The following FGF12 variants were observed in gnomAD, a reference collection of about 807,000 sequenced individuals.
FGF12 encodes the protein fibroblast growth factor 12B.
In FGF12, 14 loss-of-function variants were observed where a neutral mutation model predicts 23.6. That is an observed-to-expected ratio of 0.59 (90% CI 0.39 to 0.93). FGF12 has a LOEUF of 0.93. FGF12 is among the 40% of genes least tolerant of loss of function. FGF12 has a pLI of 0.00. For synonymous variants in FGF12, 62 were observed against 77.3 expected, an observed-to-expected ratio of 0.80 and a Z score of 1.04; for missense variants, 175 against 217.8, an observed-to-expected ratio of 0.80 and a Z score of 1.24.
intron 2 of FGF12, among the ~76,000 whole-genome samples, chr3:192,439,380 A>G (rs970505820): frequency 6.6e-6 from 1 of 152,220 alleles, no homozygotes. Flanking sequence ...TGAAAAGAAC[A>G]TCAAACTTTT....
intron 2 of FGF12, among the ~76,000 whole-genome samples, chr3:192,442,635 G>C (rs996125753): frequency 2.0e-5 from 3 of 152,094 alleles, no homozygotes; most frequent in African/African-American, 7.2e-5. Context: ...CATCACACTG[G>C]TGTATGTAAT....
At chr3:192,386,482 C>T (rs35857043) in intron 2 of FGF12, among the ~76,000 whole-genome samples, 1,931 of 152,194 alleles carry the variant, frequency 0.013, 24 homozygotes, top group Non-Finnish European at 0.02. Context: ...TAAACCTCAC[C>T]ATCCAAAACA....
intron 2 of FGF12, among the ~76,000 whole-genome samples, chr3:192,537,287 C>T (rs9839314): frequency 0.32 from 47,933 of 151,872 alleles, 7,866 homozygotes; most frequent in Middle Eastern, 0.45. Flanking sequence ...CTCTTTGATA[C>T]ACTGATTTCT....
At chr3:192,536,250 A>G (rs1725220034) in intron 2 of FGF12, among the ~76,000 whole-genome samples, 1 of 152,184 alleles carries the variant, frequency 6.6e-6, no homozygotes, top group Non-Finnish European at 1.5e-5. Flanking sequence ...GATTGTGACA[A>G]AGGCTATATG....
At chr3:192,185,118 G>C (rs1364633440) in intron 4 of FGF12, among the ~76,000 whole-genome samples, 2 of 152,096 alleles carry the variant, frequency 1.3e-5, no homozygotes, top group Non-Finnish European at 2.9e-5. Flanking sequence ...TCACAAAATT[G>C]CCTCTGATCC....
chr3:192,359,974 T>C (rs1387776085), intron 3 of FGF12, among the ~76,000 whole-genome samples: 1 of 151,850 alleles, frequency 6.6e-6, no homozygotes, highest in East Asian at 1.9e-4. Context: ...TACACATATA[T>C]GCATGTACTC....
At chr3:192,320,019 G>T (rs1165436387) in intron 4 of FGF12, among the ~76,000 whole-genome samples, 1 of 152,078 alleles carries the variant, frequency 6.6e-6, no homozygotes, top group East Asian at 1.9e-4. Flanking sequence ...AACACAGAAT[G>T]TAAATGAAAT....
chr3:192,293,960 ACT>A (rs1171800729), intron 4 of FGF12, among the ~76,000 whole-genome samples: 1 of 152,010 alleles, frequency 6.6e-6, no homozygotes, highest in Non-Finnish European at 1.5e-5. Flanking sequence ...CTTGAATTGT[ACT>A]CCCATTATTC....
At chr3:192,335,500 G>T in intron 3 of FGF12, 36 bp from the exon 4 acceptor site, 2 of 1,258,028 alleles carry the variant, frequency 1.6e-6, no homozygotes, top group Non-Finnish European at 2.3e-6. Context: ...AAGGATCAGT[G>T]ACCTTTTGAA....
At chr3:192,549,605 T>C (rs2108584367) in intron 2 of FGF12, among the ~76,000 whole-genome samples, 1 of 152,182 alleles carries the variant, frequency 6.6e-6, no homozygotes, top group East Asian at 1.9e-4. Context: ...TTATTCTGGG[T>C]ATGACTATAG....
chr3:192,370,320 A>G (rs1719172121), intron 2 of FGF12, among the ~76,000 whole-genome samples: 2 of 152,196 alleles, frequency 1.3e-5, no homozygotes, highest in South Asian at 4.1e-4. Flanking sequence ...GCCACTCTGT[A>G]AATTTTGTGT....
At chr3:192,253,667 G>A (rs533815385) in intron 4 of FGF12, among the ~76,000 whole-genome samples, 15 of 152,144 alleles carry the variant, frequency 9.9e-5, no homozygotes, top group Admixed American at 6.6e-5. Context: ...TTCAAATTAT[G>A]TTTGGAGTCT....
chr3:192,672,673 T>A (rs1306892808), intron 2 of FGF12, among the ~76,000 whole-genome samples: 1 of 151,076 alleles, frequency 6.6e-6, no homozygotes, highest in East Asian at 1.9e-4. Context: ...TTTGTTCCCT[T>A]TATTGACCCA....
chr3:192,691,783 G>A (rs1190793510), intron 2 of FGF12, among the ~76,000 whole-genome samples: 4 of 151,118 alleles, frequency 2.6e-5, no homozygotes, highest in African/African-American at 9.7e-5. Flanking sequence ...CTTTTAGCTT[G>A]AATCACTAAG....
chr3:192,524,505 G>T (rs769993563), intron 2 of FGF12, among the ~76,000 whole-genome samples: 1 of 152,170 alleles, frequency 6.6e-6, no homozygotes, highest in Non-Finnish European at 1.5e-5. Context: ...GAAAGGAGGA[G>T]AAAAAGGGTT....
At chr3:192,466,789 G>C (rs538291714) in intron 2 of FGF12, among the ~76,000 whole-genome samples, 5 of 152,288 alleles carry the variant, frequency 3.3e-5, no homozygotes, top group Admixed American at 3.3e-4. Flanking sequence ...ACAGGGTATG[G>C]AAGAGTTGAA....
chr3:192,492,433 T>C (rs1364846168), intron 2 of FGF12, among the ~76,000 whole-genome samples: 1 of 152,020 alleles, frequency 6.6e-6, no homozygotes, highest in Non-Finnish European at 1.5e-5. Flanking sequence ...ATTACTGAGA[T>C]ATTAGTAGTC....
intron 2 of FGF12, among the ~76,000 whole-genome samples, chr3:192,381,641 T>C (rs1178033638): frequency 1.3e-5 from 2 of 151,936 alleles, no homozygotes; most frequent in East Asian, 1.9e-4. Context: ...GGATAGAACA[T>C]TGAAGATGAG....
chr3:192,468,880 T>G (rs984681573), intron 2 of FGF12, among the ~76,000 whole-genome samples: 1 of 152,140 alleles, frequency 6.6e-6, no homozygotes, highest in Non-Finnish European at 1.5e-5. Context: ...CCTTCTACAT[T>G]TATTAATAGA....
Sources: gnomAD v4.1 joint callset for allele counts (sites outside exome capture counted in the v4.1 genomes callset) on GRCh38, gnomAD v4.1.1 for gene constraint, MANE v1.5 for transcripts, NCBI Gene and HGNC (gene_info 2026-07-23, HGNC 2026-07-21) for gene names.